The following MLC1 variants were observed in gnomAD, a reference collection of about 807,000 sequenced individuals.
The protein encoded by MLC1 is modulator of VRAC current 1.
In MLC1, 32 loss-of-function variants were observed where a neutral mutation model predicts 44.7. The ratio of observed to expected loss-of-function variants is 0.72; its 90% CI spans 0.54 to 0.96. The LOEUF (loss-of-function observed/expected upper bound fraction) is 0.96, where lower values mean the gene tolerates loss of function less well. MLC1 is among the 40% of genes least tolerant of loss of function. MLC1 has a pLI of 0.00. For missense variants in MLC1, 459 were observed against 492.2 expected (o/e 0.93, Z 0.64); for synonymous variants, 190 against 213.0 (o/e 0.89, Z 0.94).
chr22:50,080,774 G>GTCTCTTATTTGTT (rs2146911297), intron 3 of MLC1, among the ~76,000 whole-genome samples: 1 of 152,268 alleles, frequency 6.6e-6, no homozygotes, highest in East Asian at 1.9e-4. Flanking sequence ...ATTTGTTAAT[G>GTCTCTTATTTGTT]AAGGCTCTTC....
intron 8 of MLC1, among the ~76,000 whole-genome samples, chr22:50,071,170 G>A (rs978459668): frequency 6.0e-5 from 9 of 150,532 alleles, no homozygotes; most frequent in East Asian, 1.9e-4. Context: ...GTACGGTGGC[G>A]CGATCTTGAC....
chr22:50,074,711 C>G (rs944278835), intron 7 of MLC1: 12 of 310,712 alleles, frequency 3.9e-5, no homozygotes, highest in African/African-American at 2.2e-4. Flanking sequence ...CGAAGGGACT[C>G]GGGAAAACAG....
rs1317631833 is a variant in MLC1 at position 50,061,516 on chromosome 22, TA to T, written c.*66del. 6.7e-7 allele frequency: 1 copy of T among 1,496,414 alleles called. No individual in the cohort carries two copies. The highest frequency in any genetic ancestry group is 2.3e-5 in the East Asian group (1 of 44,350). 92.7% of individuals were successfully genotyped at this position (1,496,414 alleles called of 1,614,324 possible). On this transcript the variant is annotated 3_prime_UTR_variant, in exon 12 of 12. Transcript: ENST00000311597. Reference sequence around the variant, plus strand: ...GTTAGAAGCAGTAGCTCAGGGCGATTAGGGGTTGTGCGTTTCCATGCTTGGG... The same window carrying T: ...GTTAGAAGCAGTAGCTCAGGGCGATTGGGGTTGTGCGTTTCCATGCTTGGG...
intron 10 of MLC1, among the ~76,000 whole-genome samples, chr22:50,067,117 G>A (rs140733497): frequency 1.3e-4 from 20 of 152,266 alleles, no homozygotes; most frequent in Admixed American, 1.3e-3. Flanking sequence ...ACATGAAGTA[G>A]GAGATATATT....
chr22:50,076,567 A>G (rs2061985834), intron 7 of MLC1, among the ~76,000 whole-genome samples: 1 of 152,178 alleles, frequency 6.6e-6, no homozygotes, highest in Non-Finnish European at 1.5e-5. Flanking sequence ...AAAAAAAAAA[A>G]AAATTCCTCG....
At chr22:50,078,942 A>T (rs1039977889) in intron 5 of MLC1, among the ~76,000 whole-genome samples, 2 of 152,078 alleles carry the variant, frequency 1.3e-5, no homozygotes, top group Non-Finnish European at 2.9e-5. Context: ...GTTCAGATAC[A>T]AGCCACTGAC....
At chr22:50,082,812 C>T (rs2062179273) in intron 3 of MLC1, among the ~76,000 whole-genome samples, 1 of 152,064 alleles carries the variant, frequency 6.6e-6, no homozygotes, top group African/African-American at 2.4e-5. Flanking sequence ...GTACAGGCAC[C>T]CACCACCGCG....
chr22:50,062,257 A>G (rs2061583672), intron 11 of MLC1, among the ~76,000 whole-genome samples: 1 of 122,058 alleles, frequency 8.2e-6, no homozygotes, highest in African/African-American at 3.1e-5. Context: ...GCCCACCCTG[A>G]GCCCAAGCCA....
rs184899868 is a variant in MLC1 at position 50,076,756 on chromosome 22, C to T, written c.597+85G>A. 41 of 1,467,550 alleles carry T rather than the reference C, an allele frequency of 2.8e-5. No homozygotes were observed. The Admixed American group carries it at 3.2e-4, about 12-fold the overall frequency. The allele number at this position is 1,467,550 out of a possible 1,614,324, so 90.9% of individuals were successfully genotyped here. On this transcript the variant is annotated intron_variant, in intron 7 of 11. Coordinates refer to ENST00000311597, the MANE Select transcript of MLC1 (RefSeq NM_015166.4). The stretch of plus-strand genomic sequence containing the variant: ...GTAGACAGCCAACTCTTCGCCAACT[C>T]GGAATCGAAACGTGACGTTTAATCC...
In MLC1 at chr22:50,083,054, A is replaced by G; in HGVS notation, c.267+30T>C. ...AGAGCACGTGCCGGCGAGCTTGGGC[A>G]CTGGCAGAGGCGTGGAGGAAGCTGC... On this transcript the variant is annotated intron_variant, in intron 3 of 11. Transcript: ENST00000311597. This position sits in a 1 kb window ranked among gnomAD's most constrained non-coding sequence, Gnocchi z 4.6. The G allele has an allele frequency of 6.2e-7, 1 of 1,606,230 alleles. No individual in the cohort carries two copies. Among genetic ancestry groups the G allele is most frequent in the South Asian group, 1.1e-5 (1 of 90,922 alleles).
intron 10 of MLC1, 112 bp from the exon 11 acceptor site, chr22:50,064,310 C>G: frequency 7.5e-7 from 1 of 1,333,354 alleles, no homozygotes; most frequent in Non-Finnish European, 1.0e-6. Flanking sequence ...GGGCTCGAGT[C>G]GGAGCCCCAG....
upstream of MLC1, chr22:50,085,695 C>T (rs950553969): frequency 2.0e-5 from 3 of 152,500 alleles, no homozygotes; most frequent in Admixed American, 6.5e-5. Flanking sequence ...GTTTCTGAAA[C>T]GTAACTGTTT....
At chr22:50,068,628 TGGGG>T in intron 9 of MLC1, 73 bp from the exon 10 acceptor site, 2 of 659,180 alleles carry the variant, frequency 3.0e-6, no homozygotes, top group Non-Finnish European at 4.8e-6. Context: ...TGGCCAGGGC[TGGGG>T]GGGCGGGCAT....
At chr22:50,079,466 C>T (rs1440173535) in intron 5 of MLC1, among the ~76,000 whole-genome samples, 2 of 143,374 alleles carry the variant, frequency 1.4e-5, no homozygotes, top group South Asian at 2.3e-4. Flanking sequence ...TGCAGTATCT[C>T]GGATGAGGTC....
chr22:50,077,347 C>T (rs2062009268), intron 6 of MLC1, 54 bp downstream of exon 6: 1 of 1,529,038 alleles, frequency 6.5e-7, no homozygotes, highest in Admixed American at 1.7e-5. Context: ...CCTCGCTCAC[C>T]CTGGGGTGAT....
chr22:50,078,631 C>T (rs567362587), intron 5 of MLC1, among the ~76,000 whole-genome samples: 1 of 151,380 alleles, frequency 6.6e-6, no homozygotes, highest in Non-Finnish European at 1.5e-5. Context: ...CCCAGCTACT[C>T]GGGAGGCTGA....
intron 11 of MLC1, among the ~76,000 whole-genome samples, chr22:50,061,922 T>A (rs1242658198): frequency 6.6e-6 from 1 of 152,210 alleles, no homozygotes; most frequent in Admixed American, 6.5e-5. Context: ...CTCGGCCCCT[T>A]GCCCTGGCTC....
In MLC1 at chr22:50,074,258, T is replaced by G. The variant is rs1458893664; in HGVS notation, c.672A>C (p.Ser224=). 6.2e-7 allele frequency: 1 copy of G among 1,613,990 alleles called. No individual in the cohort carries two copies. Among genetic ancestry groups the G allele is most frequent in the South Asian group, 1.1e-5 (1 of 91,048 alleles). Residue 224 remains serine (S), a synonymous_variant, in exon 8 of 12, where the codon TCA becomes TCC. Transcript: ENST00000311597. ...IIALNVDDSV[S]GPHLSVTFFW... The stretch of plus-strand genomic sequence containing the variant: ...AGAACGTCACTGAGAGGTGTGGGCC[T>G]GAAACTGAGTCATCCACGTTCAGGG...
At chr22:50,074,702 G>T in intron 7 of MLC1, 1 of 324,230 alleles carries the variant, frequency 3.1e-6, no homozygotes, top group Non-Finnish European at 6.1e-6. Context: ...GGACCCCATC[G>T]AAGGGACTCG....
Sources: gnomAD v4.1 joint callset for allele counts (sites outside exome capture counted in the v4.1 genomes callset) on GRCh38, gnomAD v4.1.1 for gene constraint, Gnocchi (gnomAD v3.1) non-coding constraint, MANE v1.5 for transcripts, NCBI Gene and HGNC (gene_info 2026-07-23, HGNC 2026-07-21) for gene names.